CEP128: variants seen among roughly 807,000 people sequenced by gnomAD.
The protein encoded by CEP128 is centrosomal protein 128.
CEP128 carries 132 observed loss-of-function variants against 156.7 expected under a neutral mutation model. That is an observed-to-expected ratio of 0.84 (90% CI 0.73 to 0.97). The LOEUF (loss-of-function observed/expected upper bound fraction) is 0.97. Among genes scored for constraint, CEP128 ranks in the 50% least tolerant of loss-of-function variants. The probability of loss-of-function intolerance (pLI) is 0.00; values close to 1 mark genes in which losing one functional copy is unlikely to be tolerated. For missense variants in CEP128, 1,252 were observed against 1,281.9 expected (o/e 0.98, Z 0.36); for synonymous variants, 469 against 448.9 (o/e 1.04, Z -0.57).
At chr14:80,797,286 A>G (rs1456576600) in intron 13 of CEP128, among the ~76,000 whole-genome samples, 1 of 152,216 alleles carries the variant, frequency 6.6e-6, no homozygotes, top group Non-Finnish European at 1.5e-5. Context: ...GGACTCTTAT[A>G]TTAACATGCT....
intron 9 of CEP128, among the ~76,000 whole-genome samples, chr14:80,842,717 C>A (rs1371477439): frequency 6.6e-6 from 1 of 151,474 alleles, no homozygotes; most frequent in Admixed American, 6.6e-5. Context: ...TAAAACGGAC[C>A]CAGTAAAAGC....
chr14:80,647,966 T>A (rs987711362), intron 19 of CEP128, among the ~76,000 whole-genome samples: 3 of 152,116 alleles, frequency 2.0e-5, no homozygotes, highest in African/African-American at 4.8e-5. Context: ...CAACTTCTTA[T>A]TTTCCAAACT....
At chr14:80,596,464 T>A (rs1431305802) in intron 19 of CEP128, among the ~76,000 whole-genome samples, 3 of 151,900 alleles carry the variant, frequency 2.0e-5, no homozygotes, top group Non-Finnish European at 4.4e-5. Flanking sequence ...AAATAATCCA[T>A]GAGTCAAAGA....
intron 19 of CEP128, among the ~76,000 whole-genome samples, chr14:80,712,207 A>G (rs950882889): frequency 8.5e-5 from 13 of 152,312 alleles, no homozygotes; most frequent in Admixed American, 3.9e-4. Context: ...TGTAAGAAAA[A>G]GGAATACATT....
rs1024051627 is a variant in CEP128, at chr14:80,821,995, T to C, written c.1209+9148A>G. Among the ~76,000 whole-genome samples, 5 of 152,040 alleles carry C rather than the reference T, an allele frequency of 3.3e-5. No individual in the cohort carries two copies. In the South Asian group the frequency reaches 6.2e-4, roughly 19 times the overall value. On this transcript the variant is annotated intron_variant, in intron 13 of 24. Coordinates refer to ENST00000555265, the MANE Select transcript of CEP128 (RefSeq NM_152446.5). ...TGCTTTACAAAACCATCAGATCTCA[T>C]GAGACTTATTCATGATCATGAGACA...
chr14:80,916,154 G>T (rs1884539768), intron 3 of CEP128, among the ~76,000 whole-genome samples: 1 of 152,188 alleles, frequency 6.6e-6, no homozygotes, highest in Non-Finnish European at 1.5e-5. Flanking sequence ...AACCAGAGAA[G>T]GCAAGGCAAT....
At chr14:80,531,464 T>C (rs1295947207) in intron 21 of CEP128, among the ~76,000 whole-genome samples, 1 of 152,204 alleles carries the variant, frequency 6.6e-6, no homozygotes, top group Non-Finnish European at 1.5e-5. Flanking sequence ...TACACAGTCT[T>C]TAATTAGCTG....
At chr14:80,932,888 A>AAAT (rs144739406) in intron 2 of CEP128, among the ~76,000 whole-genome samples, 6,638 of 151,736 alleles carry the variant, frequency 0.044, 482 homozygotes, top group African/African-American at 0.15. Flanking sequence ...TATTGAAACC[A>AAAT]AATAATAATA....
At chr14:80,949,720 G>A (rs12050077) in intron 2 of CEP128, among the ~76,000 whole-genome samples, 64,947 of 151,906 alleles carry the variant, frequency 0.43, 14,241 homozygotes, top group Middle Eastern at 0.53. Context: ...TACATCTGAC[G>A]ACAAATCTCA....
chr14:80,834,491 C>A (rs538078331), intron 12 of CEP128, among the ~76,000 whole-genome samples: 1 of 152,228 alleles, frequency 6.6e-6, no homozygotes, highest in Admixed American at 6.5e-5. Context: ...AGTATGATTT[C>A]TAATGTAGAA....
chr14:80,707,624 T>G (rs1231324733), intron 19 of CEP128, among the ~76,000 whole-genome samples: 2 of 152,160 alleles, frequency 1.3e-5, no homozygotes, highest in Non-Finnish European at 2.9e-5. Flanking sequence ...TTGTTTAAGA[T>G]AAAATCCAAC....
rs1357687924 is a variant in CEP128, at chr14:80,669,246, A to T, written c.2806+73829T>A. On this transcript the variant is annotated intron_variant, in intron 19 of 24. Transcript: ENST00000555265. ...GAAAATCTAGGGAAAACTCTTCTGG[A>T]CATGGGTCTAGGCAAAGAATTCATG... is the stretch of plus-strand genomic sequence containing the variant. Among the ~76,000 whole-genome samples, 7 of 152,212 alleles carry T rather than the reference A, an allele frequency of 4.6e-5. 1 individual carries two copies. The East Asian group carries it at 1.3e-3, about 29-fold the overall frequency.
chr14:80,606,012 T>A lies in CEP128; in HGVS notation c.2807-25589A>T, dbSNP rs1437042124. ...ATTATAATTTTATCTTTATAAACTATGAAAATTTTTAAATTAGTGTTTTCT... is the reference window on the plus strand; with the variant it reads ...ATTATAATTTTATCTTTATAAACTAAGAAAATTTTTAAATTAGTGTTTTCT... On this transcript the variant is annotated intron_variant, in intron 19 of 24. Coordinates refer to ENST00000555265, the MANE Select transcript of CEP128 (RefSeq NM_152446.5). Among the ~76,000 whole-genome samples, 4 of 152,004 alleles carry A rather than the reference T, an allele frequency of 2.6e-5. No individual in the cohort carries two copies. The East Asian group carries it at 7.7e-4, about 29-fold the overall frequency.
intron 19 of CEP128, among the ~76,000 whole-genome samples, chr14:80,654,621 C>T (rs1227485385): frequency 6.6e-6 from 1 of 152,088 alleles, no homozygotes; most frequent in African/African-American, 2.4e-5. Flanking sequence ...TCATTAGTGA[C>T]CTAACTGCCA....
chr14:80,656,150 T>G (rs1283820465), intron 19 of CEP128, among the ~76,000 whole-genome samples: 2 of 151,300 alleles, frequency 1.3e-5, no homozygotes, highest in African/African-American at 4.8e-5. Flanking sequence ...CTGTACATCT[T>G]TGGCAAAGTC....
At chr14:80,914,230 G>GT in intron 4 of CEP128, 92 bp downstream of exon 4, 2 of 867,752 alleles carry the variant, frequency 2.3e-6, no homozygotes, top group Non-Finnish European at 3.9e-6. Flanking sequence ...CTTCACAATG[G>GT]TTTTTTCCTT....
chr14:80,894,245 C>T (rs1470410592), intron 8 of CEP128, among the ~76,000 whole-genome samples: 1 of 151,792 alleles, frequency 6.6e-6, no homozygotes, highest in Non-Finnish European at 1.5e-5. Context: ...CAGCAGTTTC[C>T]TTTGTCAAGT....
chr14:80,944,914 C>T (rs1040379333), upstream of CEP128, among the ~76,000 whole-genome samples: 2 of 147,848 alleles, frequency 1.4e-5, no homozygotes, highest in East Asian at 4.0e-4. Flanking sequence ...ATAAATCACC[C>T]AGTCACAGGT....
intron 15 of CEP128, among the ~76,000 whole-genome samples, chr14:80,779,996 A>T (rs559196888): frequency 6.6e-6 from 1 of 152,356 alleles, no homozygotes; most frequent in Non-Finnish European, 1.5e-5. Context: ...AAAAGGCTCT[A>T]CAAAATGATT....
Sources: allele counts gnomAD v4.1 joint callset (sites outside exome capture counted in the v4.1 genomes callset), GRCh38; gene constraint gnomAD v4.1.1; transcripts MANE v1.5; gene names NCBI Gene and HGNC (gene_info 2026-07-23, HGNC 2026-07-21).